TNFSF4: variants seen among roughly 807,000 people sequenced by gnomAD.
TNFSF4 encodes the protein TNF superfamily member 4.
A neutral mutation model predicts 7.3 loss-of-function variants in TNFSF4; 4 were observed. That is an observed-to-expected ratio of 0.55 (90% CI 0.27 to 1.25). TNFSF4 has a LOEUF of 1.25. Among genes scored for constraint, TNFSF4 ranks in the 50% most tolerant of loss-of-function variants. The pLI is 0.12. For synonymous variants in TNFSF4, 76 were observed against 83.7 expected, an observed-to-expected ratio of 0.91 and a Z score of 0.50; for missense variants, 181 against 208.8, an observed-to-expected ratio of 0.87 and a Z score of 0.82.
the TNFSF4 span, among the ~76,000 whole-genome samples, chr1:173,402,383 T>G: frequency 1.8e-4 from 27 of 152,364 alleles, no homozygotes; most frequent in African/African-American, 6.3e-4. Flanking sequence ...CTTCTGGGAC[T>G]CCATACTGTT....
chr1:173,360,385 C>T, the TNFSF4 span, among the ~76,000 whole-genome samples: 5 of 152,220 alleles, frequency 3.3e-5, no homozygotes, highest in Non-Finnish European at 5.9e-5. Context: ...CAAAAATTTC[C>T]TCCCACTACC....
At chr1:173,380,598 A>G in the TNFSF4 span, among the ~76,000 whole-genome samples, 19 of 152,170 alleles carry the variant, frequency 1.2e-4, no homozygotes, top group African/African-American at 3.6e-4. Flanking sequence ...CTGCATGACC[A>G]TTCACCCCTG....
In TNFSF4 at chr1:173,207,239, A is replaced by C. The variant is rs1650235433; in HGVS notation, c.-63T>G. ...AAAGGGGAACGTGCGATAAAACTGA[A>C]GTTTTCCCCAGAAAGAAGGAGGTAA... On this transcript the variant is annotated 5_prime_UTR_variant, in exon 1 of 3. Transcript: ENST00000281834. 6.6e-7 allele frequency: 1 copy of C among 1,504,128 alleles called. No individual in the cohort carries two copies. The highest frequency in any genetic ancestry group is 9.1e-7 in the Non-Finnish European group (1 of 1,098,746). 93.2% of individuals were successfully genotyped at this position (1,504,128 alleles called of 1,614,324 possible). A position where few individuals can be genotyped will look rare whatever the true frequency, so the allele number is the denominator to read the frequency against.
chr1:173,295,547 T>C, the TNFSF4 span, among the ~76,000 whole-genome samples: 14 of 152,038 alleles, frequency 9.2e-5, no homozygotes, highest in African/African-American at 3.1e-4. Context: ...TGGCTCAACT[T>C]TAATTTTCAG....
At chr1:173,179,158 G>T (rs1649007521), downstream of TNFSF4, among the ~76,000 whole-genome samples, 1 of 152,158 alleles carries the variant, frequency 6.6e-6, no homozygotes, top group African/African-American at 2.4e-5. Flanking sequence ...TTCGTTCGTG[G>T]TAATTTTTTA....
chr1:173,328,068 G>A, the TNFSF4 span, among the ~76,000 whole-genome samples: 215 of 152,068 alleles, frequency 1.4e-3, no homozygotes, highest in Admixed American at 2.6e-3. Context: ...TGGTTATTGC[G>A]GCACTATTCA....
At chr1:173,380,089 T>C in the TNFSF4 span, among the ~76,000 whole-genome samples, 1 of 152,234 alleles carries the variant, frequency 6.6e-6, no homozygotes, top group Non-Finnish European at 1.5e-5. Context: ...GTTAATCTCC[T>C]GTCCCAGATG....
the TNFSF4 span, among the ~76,000 whole-genome samples, chr1:173,268,553 T>C: frequency 4.3e-4 from 66 of 152,114 alleles, no homozygotes; most frequent in African/African-American, 1.6e-3. Flanking sequence ...AAAGATGTTA[T>C]AAATAAATAC....
chr1:173,178,941 T>C (rs1160445742), downstream of TNFSF4, among the ~76,000 whole-genome samples: 1 of 152,088 alleles, frequency 6.6e-6, no homozygotes, highest in Admixed American at 6.5e-5. Context: ...ATTGAAGCAA[T>C]GGGAGAAAAT....
At chr1:173,352,433 C>T in the TNFSF4 span, among the ~76,000 whole-genome samples, 2 of 152,118 alleles carry the variant, frequency 1.3e-5, no homozygotes, top group Admixed American at 6.5e-5. Flanking sequence ...GGATAGAGTA[C>T]AAAAGAGAGA....
chr1:173,394,917 TAG>T, the TNFSF4 span, among the ~76,000 whole-genome samples: 2 of 143,856 alleles, frequency 1.4e-5, no homozygotes, highest in Non-Finnish European at 3.0e-5. Flanking sequence ...TTTAGATAGA[TAG>T]AGATAGATAG....
At chr1:173,327,302 C>G in the TNFSF4 span, among the ~76,000 whole-genome samples, 1 of 152,018 alleles carries the variant, frequency 6.6e-6, no homozygotes, top group Non-Finnish European at 1.5e-5. Context: ...GCTGGGAAAA[C>G]TGGAAAGCTG....
chr1:173,222,848 G>T, the TNFSF4 span, among the ~76,000 whole-genome samples: 16 of 152,288 alleles, frequency 1.1e-4, no homozygotes, highest in South Asian at 4.1e-4. Flanking sequence ...CAAGACCATG[G>T]TGAGACATGT....
the TNFSF4 span, among the ~76,000 whole-genome samples, chr1:173,219,617 A>G: frequency 3.9e-5 from 6 of 152,130 alleles, no homozygotes; most frequent in African/African-American, 1.4e-4. Context: ...CTGCAAAAAT[A>G]TGGAACCAGC....
At chr1:173,175,613 A>G in the TNFSF4 span, 3 of 152,326 alleles carry the variant, frequency 2.0e-5, no homozygotes, top group South Asian at 6.2e-4. Flanking sequence ...TTATAGCACA[A>G]CTTGTGCTGC....
chr1:173,257,486 A>C, the TNFSF4 span, among the ~76,000 whole-genome samples: 1 of 152,158 alleles, frequency 6.6e-6, no homozygotes, highest in South Asian at 2.1e-4. Context: ...TCCCCAGCCC[A>C]CCCTCACTTC....
At chr1:173,430,617 G>A in the TNFSF4 span, among the ~76,000 whole-genome samples, 6 of 152,184 alleles carry the variant, frequency 3.9e-5, no homozygotes, top group Non-Finnish European at 7.3e-5. Flanking sequence ...AAAAGTGTGT[G>A]CATAGCAAAT....
the TNFSF4 span, among the ~76,000 whole-genome samples, chr1:173,176,243 T>C: frequency 6.6e-6 from 1 of 152,156 alleles, no homozygotes; most frequent in African/African-American, 2.4e-5. Flanking sequence ...TCGATAATTA[T>C]TTCCATGCTA....
the TNFSF4 span, among the ~76,000 whole-genome samples, chr1:173,411,177 T>C: frequency 2.0e-5 from 3 of 152,300 alleles, no homozygotes; most frequent in East Asian, 1.9e-4. Flanking sequence ...CCACCTGAGA[T>C]AGGCTGCTTC....
Sources: allele counts gnomAD v4.1 joint callset (sites outside exome capture counted in the v4.1 genomes callset), GRCh38; gene constraint gnomAD v4.1.1; transcripts MANE v1.5; gene names NCBI Gene and HGNC (gene_info 2026-07-23, HGNC 2026-07-21).